Variants in PUDP observed in about 807,000 individuals in gnomAD.
The protein encoded by PUDP is pseudouridine-5'-phosphatase.
In PUDP, 8 loss-of-function variants were observed where a neutral mutation model predicts 9.4. That is an observed-to-expected ratio of 0.85 (90% CI 0.50 to 1.53). PUDP has a LOEUF of 1.53. Ranked by LOEUF, PUDP falls within the 40% of genes most tolerant of loss-of-function variation. PUDP has a pLI of 0.00. For missense variants in PUDP, 188 were observed against 189.7 expected, an observed-to-expected ratio of 0.99 and a Z score of 0.05; for synonymous variants, 99 against 80.7, an observed-to-expected ratio of 1.23 and a Z score of -1.22.
chrX:7,131,086 C>T (rs182650664), intron 1 of PUDP, among the ~76,000 whole-genome samples: 26 of 111,296 alleles, frequency 2.3e-4, no homozygotes, highest in South Asian at 1.5e-3. Context: ...CTTTCAGTTT[C>T]CTGAAACTCA....
chrX:6,795,152 C>A (rs1925823209), intron 3 of PUDP, among the ~76,000 whole-genome samples: 1 of 110,690 alleles, frequency 9.0e-6, no homozygotes, highest in Admixed American at 9.6e-5. Context: ...AATTTTTCGG[C>A]TCTATTATAA....
chrX:7,035,298 G>T (rs760760375), intron 1 of PUDP, among the ~76,000 whole-genome samples: 1 of 111,674 alleles, frequency 9.0e-6, no homozygotes, highest in Non-Finnish European at 1.9e-5. Context: ...TATATACATA[G>T]TCTGCAAAAA....
intron 3 of PUDP, among the ~76,000 whole-genome samples, chrX:6,892,849 G>A (rs1927535564): frequency 1.8e-5 from 2 of 111,694 alleles, no homozygotes; most frequent in South Asian, 7.6e-4. Context: ...TAGCCCATCT[G>A]CAAGTCAGCA....
chrX:7,014,640 T>C (rs1929523260), intron 1 of PUDP, among the ~76,000 whole-genome samples: 1 of 112,004 alleles, frequency 8.9e-6, no homozygotes, highest in Admixed American at 9.4e-5. Context: ...TAACTTTATG[T>C]ATTCAAAACT....
chrX:7,127,734 TAATA>T (rs1357819698), intron 1 of PUDP, among the ~76,000 whole-genome samples: 1 of 112,603 alleles, frequency 8.9e-6, no homozygotes, highest in African/African-American at 3.2e-5. Context: ...ACAATAATGC[TAATA>T]AATAACCATT....
chrX:7,063,366 T>C (rs1930460150), intron 3 of PUDP, among the ~76,000 whole-genome samples: 1 of 111,656 alleles, frequency 9.0e-6, no homozygotes, highest in South Asian at 3.8e-4. Flanking sequence ...AGCATGGAGA[T>C]TCTGTTGGGT....
intron 3 of PUDP, among the ~76,000 whole-genome samples, chrX:6,973,645 T>C (rs1016099968): frequency 8.9e-6 from 1 of 111,978 alleles, no homozygotes; most frequent in African/African-American, 3.2e-5. Flanking sequence ...AATTTTAGAA[T>C]ATGTGCGATG....
intron 3 of PUDP, among the ~76,000 whole-genome samples, chrX:6,939,343 T>A (rs1269000336): frequency 9.4e-6 from 1 of 106,883 alleles, no homozygotes; most frequent in East Asian, 2.8e-4. Flanking sequence ...TATATTAATA[T>A]TGTAAATATA....
intron 3 of PUDP, among the ~76,000 whole-genome samples, chrX:7,071,394 C>T (rs1012122897): frequency 6.3e-5 from 7 of 111,517 alleles, no homozygotes; most frequent in African/African-American, 2.3e-4. Context: ...AAAACACAGA[C>T]ATGGCCAATG....
At chrX:7,008,575 C>G (rs1929435049) in intron 1 of PUDP, among the ~76,000 whole-genome samples, 1 of 111,419 alleles carries the variant, frequency 9.0e-6, no homozygotes, top group African/African-American at 3.3e-5. Context: ...GCTTCCCTAA[C>G]TGCTTTACTT....
intron 3 of PUDP, among the ~76,000 whole-genome samples, chrX:6,736,948 T>C (rs1924879710): frequency 9.0e-6 from 1 of 111,713 alleles, no homozygotes; most frequent in South Asian, 3.7e-4. Context: ...ACAAAACACC[T>C]GAAACTCACA....
At chrX:7,107,061 T>C (rs1602791392) in intron 1 of PUDP, among the ~76,000 whole-genome samples, 1 of 111,580 alleles carries the variant, frequency 9.0e-6, no homozygotes, top group East Asian at 2.8e-4. Context: ...ATAGCCCTGT[T>C]CACAACTGAT....
intron 1 of PUDP, among the ~76,000 whole-genome samples, chrX:7,140,288 A>G (rs1932783172): frequency 8.9e-6 from 1 of 111,775 alleles, no homozygotes; most frequent in Non-Finnish European, 1.9e-5. Flanking sequence ...TGCATTTATT[A>G]ATCACTAAAA....
intron 2 of PUDP, among the ~76,000 whole-genome samples, chrX:7,098,724 C>T (rs1326273188): frequency 6.3e-5 from 7 of 111,357 alleles, no homozygotes; most frequent in African/African-American, 2.0e-4. Context: ...CACCCATCCA[C>T]GACTCTCCAG....
intron 3 of PUDP, among the ~76,000 whole-genome samples, chrX:6,929,585 G>C (rs1166093447): frequency 8.9e-6 from 1 of 112,045 alleles, no homozygotes; most frequent in African/African-American, 3.2e-5. Flanking sequence ...TCAGACATAA[G>C]GAGCCAATTC....
intron 3 of PUDP, among the ~76,000 whole-genome samples, chrX:6,784,113 G>C (rs1925608153): frequency 9.0e-6 from 1 of 111,279 alleles, no homozygotes; most frequent in Non-Finnish European, 1.9e-5. Flanking sequence ...CAGCTGTCTG[G>C]GCATCTCTTA....
intron 3 of PUDP, among the ~76,000 whole-genome samples, chrX:6,764,977 GA>G (rs1234997103): frequency 9.0e-6 from 1 of 110,881 alleles, no homozygotes; most frequent in Non-Finnish European, 1.9e-5. Context: ...AATTAAAGCT[GA>G]AAATATGGGT....
intron 2 of PUDP, among the ~76,000 whole-genome samples, chrX:7,086,077 T>C (rs1178928703): frequency 1.1e-4 from 12 of 111,444 alleles, no homozygotes; most frequent in Admixed American, 7.6e-4. Flanking sequence ...AATTTTCACT[T>C]CCCCAACTCT....
intron 2 of PUDP, among the ~76,000 whole-genome samples, chrX:7,101,787 A>C (rs766933607): frequency 1.8e-5 from 2 of 111,741 alleles, no homozygotes; most frequent in South Asian, 7.5e-4. Flanking sequence ...AAAAAAACAA[A>C]AAACAAAAAC....
Sources: gnomAD v4.1 joint callset for allele counts (sites outside exome capture counted in the v4.1 genomes callset) on GRCh38, gnomAD v4.1.1 for gene constraint, MANE v1.5 for transcripts, NCBI Gene and HGNC (gene_info 2026-07-23, HGNC 2026-07-21) for gene names.